Variants in LHFPL6 observed in about 807,000 individuals in gnomAD.
LHFPL6 encodes LHFPL tetraspan subfamily member 6, also known as LHFPL tetraspan subfamily member 6 protein.
Under a neutral mutation model 20.6 loss-of-function variants are expected in LHFPL6, and 9 were observed. The observed-to-expected ratio is 0.44, with a 90% CI of 0.26 to 0.76. The LOEUF (loss-of-function observed/expected upper bound fraction) is 0.76, where lower values mean the gene tolerates loss of function less well. LHFPL6 is among the 30% of genes least tolerant of loss of function. The pLI is 0.20. For missense variants in LHFPL6, 218 were observed against 253.5 expected (o/e 0.86, Z 0.95); for synonymous variants, 105 against 98.7 (o/e 1.06, Z -0.38).
At chr13:39,382,162 G>A (rs1469951097) in intron 2 of LHFPL6, among the ~76,000 whole-genome samples, 4 of 152,180 alleles carry the variant, frequency 2.6e-5, no homozygotes, top group Non-Finnish European at 5.9e-5. Flanking sequence ...TACAGACTGT[G>A]TACCCTGCAC....
rs547734881 is a variant in LHFPL6, at chr13:39,407,945, C to T, written c.386-29419G>A. On this transcript the variant is annotated intron_variant, in intron 2 of 3. Coordinates refer to ENST00000379589, the MANE Select transcript of LHFPL6 (RefSeq NM_005780.3). ...CCTTCTGAGAATGAATGGAAGGTGGCAGACGCTGTCTGGGACACAGTGTTC... is the reference window on the plus strand; with the variant it reads ...CCTTCTGAGAATGAATGGAAGGTGGTAGACGCTGTCTGGGACACAGTGTTC... Among the ~76,000 whole-genome samples, 46 of 152,256 alleles carry T rather than the reference C, an allele frequency of 3.0e-4. 1 individual carries two copies. In the South Asian group the frequency reaches 9.3e-3, roughly 31 times the overall value.
chr13:39,514,939 A>G (rs1472430364), intron 2 of LHFPL6, among the ~76,000 whole-genome samples: 1 of 152,234 alleles, frequency 6.6e-6, no homozygotes, highest in African/African-American at 2.4e-5. Context: ...AAGAATGTGT[A>G]AGATGAACAT....
At chr13:39,555,392 C>T (rs3108) in intron 2 of LHFPL6, among the ~76,000 whole-genome samples, 52,582 of 150,612 alleles carry the variant, frequency 0.35, 9,584 homozygotes, top group African/African-American at 0.47. Flanking sequence ...AGAACTCATG[C>T]GATAGCGCTT....
intron 3 of LHFPL6, among the ~76,000 whole-genome samples, chr13:39,348,088 G>A (rs1329687989): frequency 6.6e-6 from 1 of 152,196 alleles, no homozygotes; most frequent in African/African-American, 2.4e-5. Flanking sequence ...AGGACAATGA[G>A]AGAGAGGATA....
intron 2 of LHFPL6, among the ~76,000 whole-genome samples, chr13:39,424,856 G>A (rs898769834): frequency 2.0e-5 from 3 of 152,102 alleles, no homozygotes; most frequent in African/African-American, 7.2e-5. Context: ...CATTATTTGA[G>A]TACTAAAGTT....
At chr13:39,548,453 C>T (rs980416850) in intron 2 of LHFPL6, among the ~76,000 whole-genome samples, 8 of 152,074 alleles carry the variant, frequency 5.3e-5, no homozygotes, top group African/African-American at 1.5e-4. Flanking sequence ...AACAACATAA[C>T]TCCCGATGGT....
intron 2 of LHFPL6, among the ~76,000 whole-genome samples, chr13:39,410,985 T>C (rs1357861031): frequency 1.3e-5 from 2 of 152,212 alleles, no homozygotes; most frequent in African/African-American, 4.8e-5. Flanking sequence ...AGCGGTTTAT[T>C]ATAGGGGAGC....
intron 2 of LHFPL6, among the ~76,000 whole-genome samples, chr13:39,510,579 AT>A (rs1869658107): frequency 6.6e-6 from 1 of 152,222 alleles, no homozygotes; most frequent in Non-Finnish European, 1.5e-5. Flanking sequence ...CATTGGATCT[AT>A]AACCTCAGTT....
At chr13:39,416,482 G>A (rs1871352438) in intron 2 of LHFPL6, among the ~76,000 whole-genome samples, 1 of 152,066 alleles carries the variant, frequency 6.6e-6, no homozygotes, top group South Asian at 2.1e-4. Context: ...TGATCATACA[G>A]TTTAAAGGAC....
chr13:39,562,425 T>TATATACAC (rs1871527730), intron 2 of LHFPL6, among the ~76,000 whole-genome samples: 3 of 99,000 alleles, frequency 3.0e-5, no homozygotes, highest in Non-Finnish European at 4.4e-5. Flanking sequence ...CACATATACA[T>TATATACAC]ATATACATAT....
intron 2 of LHFPL6, among the ~76,000 whole-genome samples, chr13:39,423,417 G>A (rs1240300462): frequency 6.6e-6 from 1 of 151,866 alleles, no homozygotes; most frequent in Non-Finnish European, 1.5e-5. Context: ...GGGAAAGAAA[G>A]GCTTCTTTTT....
At chr13:39,497,428 G>A (rs374262129) in intron 2 of LHFPL6, among the ~76,000 whole-genome samples, 38 of 152,118 alleles carry the variant, frequency 2.5e-4, no homozygotes, top group African/African-American at 6.8e-4. Context: ...AGGGACTACC[G>A]AATTCCCAGT....
chr13:39,462,257 T>TC (rs1369019402), intron 2 of LHFPL6, among the ~76,000 whole-genome samples: 3 of 152,012 alleles, frequency 2.0e-5, no homozygotes, highest in African/African-American at 7.3e-5. Context: ...TCAGAAACAC[T>TC]CCCCTCTAAG....
intron 2 of LHFPL6, among the ~76,000 whole-genome samples, chr13:39,412,857 G>A (rs1871263982): frequency 1.3e-5 from 2 of 151,906 alleles, no homozygotes; most frequent in African/African-American, 4.8e-5. Flanking sequence ...GGGAGGCGGA[G>A]GTTGCAGTGA....
intron 2 of LHFPL6, among the ~76,000 whole-genome samples, chr13:39,398,257 T>C (rs1333913677): frequency 2.6e-5 from 4 of 152,188 alleles, no homozygotes; most frequent in Admixed American, 2.0e-4. Context: ...TTTTAAAAAA[T>C]TGTAAAATCT....
At chr13:39,377,328 G>T (rs1211382370) in intron 3 of LHFPL6, among the ~76,000 whole-genome samples, 1 of 152,128 alleles carries the variant, frequency 6.6e-6, no homozygotes, top group Non-Finnish European at 1.5e-5. Context: ...TTGTTAATCT[G>T]CCTTTTATTA....
chr13:39,530,197 C>A (rs954665385), intron 2 of LHFPL6, among the ~76,000 whole-genome samples: 5 of 151,430 alleles, frequency 3.3e-5, no homozygotes, highest in African/African-American at 1.2e-4. Context: ...AAAGAGGATC[C>A]CTTGAGCCCA....
intron 2 of LHFPL6, among the ~76,000 whole-genome samples, chr13:39,562,877 T>A (rs895019572): frequency 3.3e-5 from 5 of 151,998 alleles, no homozygotes; most frequent in African/African-American, 1.2e-4. Context: ...ACTCTTCCTA[T>A]TATCATTAAT....
chr13:39,593,278 AG>A (rs1438440913), intron 2 of LHFPL6, among the ~76,000 whole-genome samples: 1 of 152,236 alleles, frequency 6.6e-6, no homozygotes, highest in Non-Finnish European at 1.5e-5. Flanking sequence ...GCAAAGTGTC[AG>A]GATACAAAAT....
Sources: allele counts gnomAD v4.1 joint callset (sites outside exome capture counted in the v4.1 genomes callset), GRCh38; gene constraint gnomAD v4.1.1; transcripts MANE v1.5; gene names NCBI Gene and HGNC (gene_info 2026-07-23, HGNC 2026-07-21).